SHISA6: variants seen among roughly 807,000 people sequenced by gnomAD.
SHISA6 encodes the protein protein shisa-6.
In SHISA6, 22 loss-of-function variants were observed where a neutral mutation model predicts 47.9. The observed-to-expected ratio is 0.46, with a 90% CI of 0.33 to 0.66. The LOEUF (loss-of-function observed/expected upper bound fraction) is 0.66, where lower values mean the gene tolerates loss of function less well. SHISA6 is among the 30% of genes least tolerant of loss of function. The pLI is 0.02. For missense variants in SHISA6, 680 were observed against 764.6 expected (o/e 0.89, Z 1.30); for synonymous variants, 388 against 337.8 (o/e 1.15, Z -1.63).
chr17:11,504,533 C>A (rs2071482153), intron 3 of SHISA6, among the ~76,000 whole-genome samples: 2 of 152,074 alleles, frequency 1.3e-5, no homozygotes, highest in Admixed American at 1.3e-4. Flanking sequence ...TAGCCTTGGC[C>A]AGAGAATAGA....
chr17:11,397,674 C>CTTT (rs371710999), intron 3 of SHISA6, among the ~76,000 whole-genome samples: 1 of 144,194 alleles, frequency 6.9e-6, no homozygotes, highest in African/African-American at 2.5e-5. Flanking sequence ...TTCTATGTTA[C>CTTT]TTTTTTTTTT....
At chr17:11,551,255 G>C (rs763355714) in intron 3 of SHISA6, among the ~76,000 whole-genome samples, 5 of 152,198 alleles carry the variant, frequency 3.3e-5, no homozygotes, top group Non-Finnish European at 5.9e-5. Context: ...TGTGTTAATT[G>C]TGTGGCTTAT....
In SHISA6 at chr17:11,558,890, T is replaced by C. The variant is rs941789345; in HGVS notation, c.*586T>C. The C allele has an allele frequency of 3.9e-5, 6 of 155,594 alleles. No individual in the cohort carries two copies. Among genetic ancestry groups the C allele is most frequent in the African/African-American group, 1.4e-4 (6 of 41,444 alleles). The allele number at this position is 155,594 out of a possible 1,614,324, so 9.6% of individuals were successfully genotyped here. On this transcript the variant is annotated 3_prime_UTR_variant, in exon 6 of 6. Coordinates refer to ENST00000441885, the MANE Select transcript of SHISA6 (RefSeq NM_207386.4). Reference sequence around the variant, plus strand: ...TTTCTTGCCTGCTGGAACTCTCTGGTCCCCACTGAGTGACCCTTCCTTTGC... The same window carrying C: ...TTTCTTGCCTGCTGGAACTCTCTGGCCCCCACTGAGTGACCCTTCCTTTGC...
intron 2 of SHISA6, among the ~76,000 whole-genome samples, chr17:11,361,147 T>C (rs938392500): frequency 1.3e-5 from 2 of 152,058 alleles, no homozygotes; most frequent in East Asian, 3.9e-4. Flanking sequence ...AGTTCTCCTT[T>C]ATTAAATCTT....
chr17:11,269,076 C>G (rs1253862695), intron 2 of SHISA6, among the ~76,000 whole-genome samples: 1 of 151,510 alleles, frequency 6.6e-6, no homozygotes. Flanking sequence ...GAGTCTTGCC[C>G]TGTCGCCCAG....
At chr17:11,458,079 T>C (rs548930480) in intron 3 of SHISA6, among the ~76,000 whole-genome samples, 2 of 136,620 alleles carry the variant, frequency 1.5e-5, no homozygotes, top group East Asian at 4.0e-4. Context: ...AGCGAGACTC[T>C]GTCTAAAAAA....
intron 2 of SHISA6, among the ~76,000 whole-genome samples, chr17:11,369,682 A>G (rs777572517): frequency 1.3e-5 from 2 of 152,106 alleles, no homozygotes; most frequent in East Asian, 3.9e-4. Context: ...AGAGCACCAC[A>G]TCGTTTGCCT....
intron 2 of SHISA6, among the ~76,000 whole-genome samples, chr17:11,297,474 C>A (rs562717459): frequency 6.6e-6 from 1 of 152,140 alleles, no homozygotes; most frequent in African/African-American, 2.4e-5. Flanking sequence ...TCTAGGGGGT[C>A]CAGGACAATA....
intron 2 of SHISA6, among the ~76,000 whole-genome samples, chr17:11,335,032 T>C (rs531961246): frequency 2.8e-4 from 42 of 152,234 alleles, no homozygotes; most frequent in African/African-American, 8.0e-4. Flanking sequence ...TCAGTGGCTA[T>C]TGACAGGTGG....
intron 2 of SHISA6, among the ~76,000 whole-genome samples, chr17:11,373,693 A>G (rs1372168100): frequency 2.0e-5 from 3 of 152,184 alleles, no homozygotes; most frequent in Non-Finnish European, 2.9e-5. Flanking sequence ...ATTATGACTG[A>G]GAACCATCCA....
chr17:11,519,093 T>A (rs1478513661), intron 3 of SHISA6, among the ~76,000 whole-genome samples: 1 of 152,172 alleles, frequency 6.6e-6, no homozygotes, highest in Non-Finnish European at 1.5e-5. Flanking sequence ...CCTTCACCAG[T>A]CCCTCTTTCT....
chr17:11,467,424 G>A (rs1915836313), intron 3 of SHISA6, among the ~76,000 whole-genome samples: 1 of 152,156 alleles, frequency 6.6e-6, no homozygotes. Context: ...GTGTCAGTAT[G>A]ACATATGATG....
intron 5 of SHISA6, 38 bp from the exon 6 acceptor site, chr17:11,557,716 C>A: frequency 2.0e-6 from 3 of 1,503,034 alleles, no homozygotes; most frequent in South Asian, 1.3e-5. Context: ...TGCAGGGTCA[C>A]CCCAGTTGCC....
intron 2 of SHISA6, among the ~76,000 whole-genome samples, chr17:11,370,241 T>A (rs1389169783): frequency 2.0e-5 from 3 of 152,118 alleles, no homozygotes; most frequent in Admixed American, 6.6e-5. Context: ...AAACACTGTA[T>A]TTTTAGCCAT....
chr17:11,460,728 A>G (rs1439069100), intron 3 of SHISA6, among the ~76,000 whole-genome samples: 2 of 152,088 alleles, frequency 1.3e-5, no homozygotes, highest in Non-Finnish European at 2.9e-5. Context: ...GAACTCCTGG[A>G]TAGGGTAGGT....
chr17:11,258,228 A>C (rs1597425516), intron 1 of SHISA6, among the ~76,000 whole-genome samples: 1 of 152,226 alleles, frequency 6.6e-6, no homozygotes, highest in East Asian at 1.9e-4. Context: ...GAAACTATCC[A>C]GTTTGCCTTG....
intron 3 of SHISA6, among the ~76,000 whole-genome samples, chr17:11,512,460 C>G (rs1247428760): frequency 2.0e-5 from 3 of 152,174 alleles, no homozygotes; most frequent in Non-Finnish European, 4.4e-5. Flanking sequence ...TTGCATATAT[C>G]ACTTTGTAAC....
chr17:11,314,565 C>A (rs1016818457), intron 2 of SHISA6, among the ~76,000 whole-genome samples: 1 of 149,972 alleles, frequency 6.7e-6, no homozygotes, highest in African/African-American at 2.4e-5. Flanking sequence ...GATGGAGTCC[C>A]GCTCTTGTTC....
chr17:11,493,886 A>T (rs1319524842), intron 3 of SHISA6, among the ~76,000 whole-genome samples: 4 of 150,248 alleles, frequency 2.7e-5, no homozygotes, highest in Non-Finnish European at 5.9e-5. Flanking sequence ...TAAAATGAAA[A>T]CTCTAACTAA....
Sources: gnomAD v4.1 joint callset for allele counts (sites outside exome capture counted in the v4.1 genomes callset) on GRCh38, gnomAD v4.1.1 for gene constraint, MANE v1.5 for transcripts, NCBI Gene and HGNC (gene_info 2026-07-23, HGNC 2026-07-21) for gene names.